CDKN2B-AS1: variants seen among roughly 807,000 people sequenced by gnomAD.
CDKN2B-AS1 encodes CDKN2B antisense RNA 1 (non-protein coding).
chr9:22,024,901 C>T (rs1822169187), intron 1 of CDKN2B-AS1, among the ~76,000 whole-genome samples: 1 of 152,196 alleles, frequency 6.6e-6, no homozygotes. Flanking sequence ...CCACAGCACC[C>T]AAGATGGCCC....
intron 4 of CDKN2B-AS1, chr9:22,118,128 T>TGG (rs1293677824): frequency 1.3e-5 from 2 of 152,174 alleles, no homozygotes; most frequent in African/African-American, 4.8e-5. Context: ...TTGCCCAGGG[T>TGG]GGGGCTCTGC....
chr9:22,052,256 T>C (rs1823377866), intron 3 of CDKN2B-AS1, among the ~76,000 whole-genome samples: 1 of 152,180 alleles, frequency 6.6e-6, no homozygotes, highest in African/African-American at 2.4e-5. Flanking sequence ...ACTCATTAAG[T>C]GTTCTATATA....
intron 4 of CDKN2B-AS1, among the ~76,000 whole-genome samples, chr9:22,070,938 C>A (rs1380129602): frequency 6.6e-6 from 1 of 152,046 alleles, no homozygotes; most frequent in African/African-American, 2.4e-5. Context: ...GAGTAGCTGT[C>A]AGTTATCTTG....
rs1410298090 is a variant in CDKN2B-AS1, at chr9:22,000,010, A to G, written n.29+4849A>G. On this transcript the variant is annotated intron_variant and non_coding_transcript_variant, in intron 1 of 4. Coordinates refer to ENST00000650946, the Ensembl canonical transcript of CDKN2B-AS1. The surrounding 1 kb of genome is among the most constrained non-coding windows in gnomAD (Gnocchi z 4.1). ...TGGGTAGTAAGAATGAGGGTGGGAA[A>G]AATTTCAGATTTTTGCTTACTACTT... Among the ~76,000 whole-genome samples the G allele has an allele frequency of 1.3e-5, 2 of 152,138 alleles. No individual in the cohort carries two copies. Among genetic ancestry groups the G allele is most frequent in the African/African-American group, 4.8e-5 (2 of 41,438 alleles).
At chr9:22,106,943 G>T (rs541407697) in intron 4 of CDKN2B-AS1, among the ~76,000 whole-genome samples, 1 of 152,190 alleles carries the variant, frequency 6.6e-6, no homozygotes, top group Non-Finnish European at 1.5e-5. Context: ...AAGTTGATCA[G>T]TAGCAAAGAC....
intron 1 of CDKN2B-AS1, chr9:22,009,222 A>ACGCAGCCGAGCT (rs1821366849): frequency 1.7e-6 from 1 of 586,168 alleles, no homozygotes. Context: ...CCTAGCGCGG[A>ACGCAGCCGAGCT]CGCAGCCGAG....
intron 1 of CDKN2B-AS1, among the ~76,000 whole-genome samples, chr9:22,017,771 A>G (rs1166813711): frequency 6.7e-6 from 1 of 150,058 alleles, no homozygotes; most frequent in Non-Finnish European, 1.5e-5. Flanking sequence ...AAACAAAGGA[A>G]CCTTTTAAAG....
intron 1 of CDKN2B-AS1, among the ~76,000 whole-genome samples, chr9:22,035,683 G>A (rs1822659218): frequency 6.6e-6 from 1 of 152,138 alleles, no homozygotes; most frequent in Admixed American, 6.5e-5. Context: ...GTCACTGGCT[G>A]GTTTGAGCTA....
At chr9:22,106,614 A>G (rs903385839) in intron 4 of CDKN2B-AS1, among the ~76,000 whole-genome samples, 1 of 152,204 alleles carries the variant, frequency 6.6e-6, no homozygotes, top group South Asian at 2.1e-4. Context: ...ATATATGTAA[A>G]TGCCTTGGCA....
chr9:22,019,198 T>C (rs930294417), intron 1 of CDKN2B-AS1, among the ~76,000 whole-genome samples: 21 of 152,238 alleles, frequency 1.4e-4, no homozygotes, highest in African/African-American at 2.4e-5. Context: ...GTTAGGACTT[T>C]TGTCTTTATC....
intron 4 of CDKN2B-AS1, among the ~76,000 whole-genome samples, chr9:22,063,697 C>T (rs565269456): frequency 2.3e-4 from 35 of 152,270 alleles, no homozygotes; most frequent in Non-Finnish European, 5.0e-4. Context: ...ACTACTGTTT[C>T]TTCAACTCTT....
rs1249889169 is a variant in CDKN2B-AS1 at position 22,039,563 on chromosome 9, T to C, written n.30-7188T>C. ...GAGGCCAGCATTATTTTCTCCATTTTTGGAATGAGAAAATACAGATTACCA... is the reference window on the plus strand; with the variant it reads ...GAGGCCAGCATTATTTTCTCCATTTCTGGAATGAGAAAATACAGATTACCA... On this transcript the variant is annotated intron_variant and non_coding_transcript_variant, in intron 1 of 4. Transcript: ENST00000650946. The surrounding 1 kb of genome is among the most constrained non-coding windows in gnomAD (Gnocchi z 4.4). Among the ~76,000 whole-genome samples, 1 of 152,026 alleles carries C rather than the reference T, an allele frequency of 6.6e-6. No individual in the cohort carries two copies. The highest frequency in any genetic ancestry group is 2.4e-5 in the African/African-American group (1 of 41,426).
chr9:22,092,236 G>A (rs1825117237), intron 4 of CDKN2B-AS1: 2 of 152,156 alleles, frequency 1.3e-5, no homozygotes. Flanking sequence ...GTATTTTATT[G>A]AAGATTTTTG....
At chr9:22,038,982 TC>T (rs1822798229) in intron 1 of CDKN2B-AS1, among the ~76,000 whole-genome samples, 1 of 152,036 alleles carries the variant, frequency 6.6e-6, no homozygotes, top group Non-Finnish European at 1.5e-5. Flanking sequence ...CTTTCATTTA[TC>T]TGAGAAAATT....
intron 4 of CDKN2B-AS1, among the ~76,000 whole-genome samples, chr9:22,075,128 G>A (rs1361096391): frequency 6.6e-6 from 1 of 152,094 alleles, no homozygotes; most frequent in African/African-American, 2.4e-5. Context: ...AAGACTTCTG[G>A]GGAAACTCAG....
rs1316360253 is a variant in CDKN2B-AS1, at chr9:22,000,463, T to C, written n.29+5302T>C. 1.3e-5 allele frequency among the ~76,000 whole-genome samples: 2 copies of C among 152,166 alleles called. No homozygotes were observed. The highest frequency in any genetic ancestry group is 2.9e-5 in the Non-Finnish European group (2 of 68,006). ...AGGCAGTCCAGAGATTAGCAAATAA[T>C]AGAGGATGATCAAATGTTTTTCAGA... On this transcript the variant is annotated intron_variant and non_coding_transcript_variant, in intron 1 of 4. Coordinates refer to ENST00000650946, the Ensembl canonical transcript of CDKN2B-AS1. The surrounding 1 kb of genome is among the most constrained non-coding windows in gnomAD (Gnocchi z 4.1).
At chr9:22,124,424 T>A (rs1455810387) in intron 4 of CDKN2B-AS1, among the ~76,000 whole-genome samples, 1 of 152,222 alleles carries the variant, frequency 6.6e-6, no homozygotes, top group Non-Finnish European at 1.5e-5. Context: ...TAGTTGGAAC[T>A]GAACTGAGGC....
At chr9:22,092,462 T>C (rs1825125516) in intron 4 of CDKN2B-AS1, 1 of 152,170 alleles carries the variant, frequency 6.6e-6, no homozygotes, top group African/African-American at 2.4e-5. Flanking sequence ...CTGGACTTTT[T>C]TTGGTTGGTA....
At chr9:22,024,326 G>T (rs959633059) in intron 1 of CDKN2B-AS1, among the ~76,000 whole-genome samples, 1 of 152,218 alleles carries the variant, frequency 6.6e-6, no homozygotes, top group Admixed American at 6.5e-5. Context: ...GAGGACCAAG[G>T]TGTGGCAGCT....
Sources: gnomAD v4.1 joint callset for allele counts (sites outside exome capture counted in the v4.1 genomes callset) on GRCh38, gnomAD v4.1.1 for gene constraint, Gnocchi (gnomAD v3.1) non-coding constraint, MANE v1.5 for transcripts, NCBI Gene and HGNC (gene_info 2026-07-23, HGNC 2026-07-21) for gene names.